The following DNASE1 variants were observed in gnomAD, a reference collection of about 807,000 sequenced individuals.
DNASE1 encodes the protein deoxyribonuclease-1.
In DNASE1, 40 loss-of-function variants were observed where a neutral mutation model predicts 33.9. That is an observed-to-expected ratio of 1.18 (90% CI 0.92 to 1.54). DNASE1 has a LOEUF of 1.54. Among genes scored for constraint, DNASE1 ranks in the 40% most tolerant of loss-of-function variants. The pLI is 0.00. For synonymous variants in DNASE1, 216 were observed against 160.0 expected, an observed-to-expected ratio of 1.35 and a Z score of -2.64; for missense variants, 518 against 372.6, an observed-to-expected ratio of 1.39 and a Z score of -3.21.
chr16:3,657,664 T>G lies in DNASE1; in HGVS notation c.705-56T>G. 4.4e-6 allele frequency: 7 copies of G among 1,606,714 alleles called. No homozygotes were observed. In the South Asian group the frequency reaches 6.6e-5, roughly 15 times the overall value. On this transcript the variant is annotated intron_variant, in intron 7 of 8. Transcript: ENST00000246949. ...CTCTTAGTTTAGTTCCTGCGGGTGC[T>G]GAGCCAGGCCCATGTGTGAAAGGGG...
intron 1 of DNASE1, among the ~76,000 whole-genome samples, chr16:3,624,523 A>G (rs1029426976): frequency 7.9e-5 from 12 of 152,162 alleles, no homozygotes; most frequent in African/African-American, 2.7e-4. Flanking sequence ...AGCTGTTCCC[A>G]TAAGACCCTG....
chr16:3,629,818 G>GT (rs1173444963), intron 1 of DNASE1, among the ~76,000 whole-genome samples: 10 of 151,374 alleles, frequency 6.6e-5, no homozygotes, highest in East Asian at 3.9e-4. Flanking sequence ...TTTTTAATTT[G>GT]TTTTTTTGTT....
chr16:3,664,377 C>G (rs149684919), exon 10 of DNASE1: 11 of 1,612,244 alleles, frequency 6.8e-6, no homozygotes, highest in Non-Finnish European at 8.5e-6. Context: ...GGCCCGCATG[C>G]GGCTGGCGTA....
At chr16:3,655,171 T>A in intron 1 of DNASE1, 127 bp downstream of exon 1, 1 of 685,732 alleles carries the variant, frequency 1.5e-6, no homozygotes, top group Non-Finnish European at 2.4e-6. Context: ...GGTTTTCTGG[T>A]GGATGGAGGA....
chr16:3,631,686 C>T (rs1280092726), intron 1 of DNASE1, among the ~76,000 whole-genome samples: 2 of 151,764 alleles, frequency 1.3e-5, no homozygotes, highest in African/African-American at 2.4e-5. Context: ...CCATGCCCGG[C>T]TAATTTTTGT....
At chr16:3,662,155 A>G (rs1267648874), downstream of DNASE1, 2 of 1,596,176 alleles carry the variant, frequency 1.3e-6, no homozygotes, top group Admixed American at 1.7e-5. Flanking sequence ...CCCGGGGTTG[A>G]GGGTGATAGA....
chr16:3,619,400 C>T (rs1331058155), intron 1 of DNASE1, among the ~76,000 whole-genome samples: 1 of 150,400 alleles, frequency 6.6e-6, no homozygotes, highest in East Asian at 2.0e-4. Flanking sequence ...CTCGCTCTGT[C>T]GCCCAGGCCG....
intron 1 of DNASE1, among the ~76,000 whole-genome samples, chr16:3,629,199 A>G (rs1196740618): frequency 6.6e-6 from 1 of 150,990 alleles, no homozygotes; most frequent in Non-Finnish European, 1.5e-5. Context: ...AAAAAATTGT[A>G]ATAAGCTTTC....
rs950483222 is a variant in DNASE1, at chr16:3,656,907, G to C, written c.437-92G>C. ...GTCATTTGGAAAATATCCACCCCCC[G>C]GGGGGACTGTCATGATACATAGTTC... On this transcript the variant is annotated intron_variant, in intron 5 of 8. Transcript: ENST00000246949. 9 of 1,555,938 alleles carry C rather than the reference G, an allele frequency of 5.8e-6. No homozygotes were observed. In the South Asian group the frequency reaches 9.4e-5, roughly 16 times the overall value.
downstream of DNASE1, chr16:3,662,123 G>A (rs199871996): frequency 3.3e-4 from 530 of 1,612,084 alleles, 1 homozygote; most frequent in Non-Finnish European, 3.9e-4. Flanking sequence ...GTGTCCAGTC[G>A]GAGGGTCACC....
At chr16:3,625,553 G>A (rs541062470) in intron 1 of DNASE1, among the ~76,000 whole-genome samples, 24 of 151,874 alleles carry the variant, frequency 1.6e-4, no homozygotes, top group African/African-American at 5.6e-4. Flanking sequence ...AGCCCAGGAG[G>A]TCGAGGCTGC....
chr16:3,617,953 G>A (rs2041168156), intron 1 of DNASE1, among the ~76,000 whole-genome samples: 1 of 152,158 alleles, frequency 6.6e-6, no homozygotes, highest in South Asian at 2.1e-4. Context: ...CCAGTCTGTG[G>A]TATTTTGTAA....
chr16:3,619,546 A>G (rs900900517), intron 1 of DNASE1, among the ~76,000 whole-genome samples: 1 of 149,712 alleles, frequency 6.7e-6, no homozygotes, highest in Non-Finnish European at 1.5e-5. Context: ...TATTTTTAGT[A>G]GAGACAGGGT....
At chr16:3,614,924 G>A (rs2041046244) in intron 1 of DNASE1, among the ~76,000 whole-genome samples, 1 of 152,042 alleles carries the variant, frequency 6.6e-6, no homozygotes, top group Admixed American at 6.6e-5. Flanking sequence ...TTAGAGTCCT[G>A]GTGAAGAAAG....
At chr16:3,624,756 C>G (rs941354671) in intron 1 of DNASE1, among the ~76,000 whole-genome samples, 1 of 152,206 alleles carries the variant, frequency 6.6e-6, no homozygotes, top group Admixed American at 6.5e-5. Flanking sequence ...ACTTGGGTCA[C>G]TGCATCCTCT....
At chr16:3,656,938 G>T in intron 5 of DNASE1, 61 bp from the exon 6 acceptor site, 1 of 1,588,292 alleles carries the variant, frequency 6.3e-7, no homozygotes, top group South Asian at 1.1e-5. Flanking sequence ...AGTTCCAGCT[G>T]ACATGGTGAC....
At chr16:3,663,811 C>T (rs368626792) in exon 10 of DNASE1, 70 of 506,100 alleles carry the variant, frequency 1.4e-4, no homozygotes, top group South Asian at 9.2e-4. Context: ...CAGTGGCTCA[C>T]GCCTGTAATC....
chr16:3,644,492 G>A (rs1294200653), intron 1 of DNASE1, among the ~76,000 whole-genome samples: 2 of 151,978 alleles, frequency 1.3e-5, no homozygotes, highest in Non-Finnish European at 2.9e-5. Flanking sequence ...GAATCTGGGA[G>A]GCAGAGGTTG....
At chr16:3,650,740 T>C (rs549289659), upstream of DNASE1, 4 of 152,250 alleles carry the variant, frequency 2.6e-5, no homozygotes, top group South Asian at 8.3e-4. Flanking sequence ...AAGAGAAATG[T>C]TCATGTTATT....
Sources: gnomAD v4.1 joint callset for allele counts (sites outside exome capture counted in the v4.1 genomes callset) on GRCh38, gnomAD v4.1.1 for gene constraint, MANE v1.5 for transcripts, NCBI Gene and HGNC (gene_info 2026-07-23, HGNC 2026-07-21) for gene names.